SNTG1: variants seen among roughly 807,000 people sequenced by gnomAD.
The protein encoded by SNTG1 is syntrophin gamma 1, also known as gamma-1-syntrophin.
A neutral mutation model predicts 74.7 loss-of-function variants in SNTG1; 39 were observed. That is an observed-to-expected ratio of 0.52 (90% CI 0.40 to 0.68). The LOEUF (loss-of-function observed/expected upper bound fraction) is 0.68. Ranked by LOEUF, SNTG1 falls within the 30% of genes least tolerant of loss-of-function variation. SNTG1 has a pLI of 0.00. For synonymous variants in SNTG1, 254 were observed against 217.1 expected, an observed-to-expected ratio of 1.17 and a Z score of -1.49; for missense variants, 685 against 609.5, an observed-to-expected ratio of 1.12 and a Z score of -1.30.
chr8:50,340,522 G>T (rs1291405366), intron 2 of SNTG1, among the ~76,000 whole-genome samples: 2 of 151,888 alleles, frequency 1.3e-5, no homozygotes, highest in Non-Finnish European at 2.9e-5. Flanking sequence ...CCACATGAAA[G>T]AAATGAATAT....
At chr8:50,605,695 G>A (rs1305702640) in intron 13 of SNTG1, among the ~76,000 whole-genome samples, 2 of 152,050 alleles carry the variant, frequency 1.3e-5, no homozygotes, top group Non-Finnish European at 2.9e-5. Context: ...TGAAGTTAAA[G>A]CCAGGTACTG....
intron 17 of SNTG1, among the ~76,000 whole-genome samples, chr8:50,748,365 C>A (rs897567991): frequency 6.6e-6 from 1 of 151,936 alleles, no homozygotes; most frequent in Admixed American, 6.6e-5. Context: ...TGAAGGGGTA[C>A]TACTTTCTCA....
At chr8:50,066,808 C>T (rs1247356514) in intron 1 of SNTG1, among the ~76,000 whole-genome samples, 1 of 152,148 alleles carries the variant, frequency 6.6e-6, no homozygotes, top group African/African-American at 2.4e-5. Flanking sequence ...TGACTTTGTA[C>T]CGTTATATCT....
chr8:50,581,519 A>G (rs952681996), intron 12 of SNTG1, among the ~76,000 whole-genome samples: 1 of 152,220 alleles, frequency 6.6e-6, no homozygotes, highest in Non-Finnish European at 1.5e-5. Flanking sequence ...CTTTTAAATT[A>G]TAAGTATTCC....
At chr8:50,655,014 C>G (rs1307935489) in intron 13 of SNTG1, among the ~76,000 whole-genome samples, 2 of 152,138 alleles carry the variant, frequency 1.3e-5, no homozygotes, top group Non-Finnish European at 1.5e-5. Context: ...GAAAGCACAC[C>G]TATGGCAAAA....
intron 1 of SNTG1, among the ~76,000 whole-genome samples, chr8:50,046,998 A>G (rs1202461945): frequency 6.6e-6 from 1 of 152,206 alleles, no homozygotes; most frequent in Non-Finnish European, 1.5e-5. Context: ...TGAGTTTTCT[A>G]CATTCCAAAA....
intron 1 of SNTG1, among the ~76,000 whole-genome samples, chr8:49,954,174 G>T (rs1234147302): frequency 2.0e-5 from 3 of 151,942 alleles, no homozygotes; most frequent in African/African-American, 7.3e-5. Flanking sequence ...AAACTAACTG[G>T]GTAATTTTTA....
chr8:49,969,436 G>A (rs1235644557), intron 1 of SNTG1, among the ~76,000 whole-genome samples: 2 of 112,140 alleles, frequency 1.8e-5, no homozygotes, highest in South Asian at 3.1e-4. Flanking sequence ...TCTCTCTGTC[G>A]CCCAGGCAGG....
chr8:50,051,095 A>T (rs1819531697), intron 1 of SNTG1, among the ~76,000 whole-genome samples: 1 of 152,052 alleles, frequency 6.6e-6, no homozygotes. Flanking sequence ...AGACAAGGAT[A>T]TGTGCTCTTG....
At chr8:50,208,981 G>A (rs1201154231) in intron 2 of SNTG1, among the ~76,000 whole-genome samples, 2 of 152,166 alleles carry the variant, frequency 1.3e-5, no homozygotes, top group Non-Finnish European at 2.9e-5. Context: ...CCCTTTCCTA[G>A]CCAAGGGAAG....
intron 9 of SNTG1, among the ~76,000 whole-genome samples, chr8:50,527,407 C>A (rs2094230133): frequency 6.6e-6 from 1 of 151,934 alleles, no homozygotes; most frequent in African/African-American, 2.4e-5. Context: ...GATATTTTTT[C>A]TTATTTTCCT....
At chr8:50,380,809 TTGA>T (rs1414736492) in intron 2 of SNTG1, among the ~76,000 whole-genome samples, 7 of 152,224 alleles carry the variant, frequency 4.6e-5, no homozygotes, top group Admixed American at 4.6e-4. Flanking sequence ...CTTATCATAA[TTGA>T]TGATAATAAT....
chr8:50,356,149 C>T (rs1339742476), intron 2 of SNTG1, among the ~76,000 whole-genome samples: 1 of 151,654 alleles, frequency 6.6e-6, no homozygotes, highest in Non-Finnish European at 1.5e-5. Context: ...TTTTTCAATA[C>T]ATTTATGTCA....
At chr8:50,344,092 A>G (rs1428410843) in intron 2 of SNTG1, among the ~76,000 whole-genome samples, 1 of 152,176 alleles carries the variant, frequency 6.6e-6, no homozygotes, top group African/African-American at 2.4e-5. Flanking sequence ...TCAGCCTAAG[A>G]AGGTTTAGAT....
At chr8:50,726,842 C>T (rs1203824792) in intron 17 of SNTG1, among the ~76,000 whole-genome samples, 1 of 151,882 alleles carries the variant, frequency 6.6e-6, no homozygotes, top group East Asian at 1.9e-4. Context: ...GAGTGAGACT[C>T]TGTCTCAAAA....
At chr8:50,139,829 C>T (rs2081597753) in intron 1 of SNTG1, among the ~76,000 whole-genome samples, 1 of 152,190 alleles carries the variant, frequency 6.6e-6, no homozygotes, top group African/African-American at 2.4e-5. Context: ...AAGAGTGAGT[C>T]ACTGGAATTT....
At chr8:50,539,657 T>G (rs2094332506) in intron 11 of SNTG1, among the ~76,000 whole-genome samples, 1 of 152,128 alleles carries the variant, frequency 6.6e-6, no homozygotes, top group African/African-American at 2.4e-5. Flanking sequence ...ACAAGCCCAT[T>G]TATTCTAATT....
chr8:50,624,589 G>T (rs1465744800), intron 13 of SNTG1, among the ~76,000 whole-genome samples: 1 of 152,060 alleles, frequency 6.6e-6, no homozygotes, highest in East Asian at 1.9e-4. Context: ...TAATGGTTTT[G>T]ATTTAAAGTA....
At chr8:50,213,733 A>G (rs928614672) in intron 2 of SNTG1, among the ~76,000 whole-genome samples, 6 of 151,884 alleles carry the variant, frequency 4.0e-5, no homozygotes, top group Non-Finnish European at 4.4e-5. Flanking sequence ...TCTTCTTTTG[A>G]GAAGTGTCTG....
Sources: gnomAD v4.1 joint callset for allele counts (sites outside exome capture counted in the v4.1 genomes callset) on GRCh38, gnomAD v4.1.1 for gene constraint, MANE v1.5 for transcripts, NCBI Gene and HGNC (gene_info 2026-07-23, HGNC 2026-07-21) for gene names.